Variants in CNTN5 observed in about 807,000 individuals in gnomAD.
The protein encoded by CNTN5 is contactin 5, also known as contactin-5.
A neutral mutation model predicts 129.1 loss-of-function variants in CNTN5; 77 were observed. That is an observed-to-expected ratio of 0.60 (90% CI 0.50 to 0.72). The LOEUF (loss-of-function observed/expected upper bound fraction) is 0.72. CNTN5 is among the 30% of genes least tolerant of loss of function. The pLI, the probability that CNTN5 is intolerant of heterozygous loss-of-function variation, is 0.00. For missense variants in CNTN5, 1,478 were observed against 1,328.8 expected, an observed-to-expected ratio of 1.11 and a Z score of -1.75; for synonymous variants, 509 against 465.6, an observed-to-expected ratio of 1.09 and a Z score of -1.20.
chr11:99,756,091 C>A (rs1459610315), intron 3 of CNTN5, among the ~76,000 whole-genome samples: 1 of 152,018 alleles, frequency 6.6e-6, no homozygotes, highest in African/African-American at 2.4e-5. Flanking sequence ...TTTGACAGAT[C>A]ATTATTTTTT....
intron 3 of CNTN5, among the ~76,000 whole-genome samples, chr11:99,664,393 T>G (rs1220991260): frequency 6.6e-6 from 1 of 152,046 alleles, no homozygotes; most frequent in Admixed American, 6.6e-5. Flanking sequence ...TGATTTTCTT[T>G]CCCCACCAGT....
chr11:99,032,597 C>T (rs1863452915), intron 1 of CNTN5, among the ~76,000 whole-genome samples: 1 of 152,140 alleles, frequency 6.6e-6, no homozygotes, highest in African/African-American at 2.4e-5. Context: ...GTCCTTCACC[C>T]ACTTTTTGAT....
Position 99,239,791 on chromosome 11 carries a change from GC to G in CNTN5, c.-209-85553del, listed in dbSNP as rs1388212168. On this transcript the variant is annotated intron_variant, in intron 1 of 24. Coordinates refer to ENST00000524871, the MANE Select transcript of CNTN5 (RefSeq NM_014361.4). ...TCTACTAAAAATACAAAAAAATTTA[GC>G]CGGGCGTGGTGGCGGGCGCCTGTAG... Among the ~76,000 whole-genome samples the G allele has an allele frequency of 2.0e-5, 3 of 152,238 alleles. No individual in the cohort carries two copies. The East Asian group carries it at 5.8e-4, about 29-fold the overall frequency.
rs574261695 is a variant in CNTN5, at chr11:99,099,785, C to T, written c.-210+78515C>T. On this transcript the variant is annotated intron_variant, in intron 1 of 24. Transcript: ENST00000524871. The stretch of plus-strand genomic sequence containing the variant: ...TGCTGTGATGATAAATGACACAATA[C>T]GTATAAATCACTTCGAAAAAACTGA... 3.9e-5 allele frequency among the ~76,000 whole-genome samples: 6 copies of T among 152,168 alleles called. No individual in the cohort carries two copies. The South Asian group carries it at 6.2e-4, about 16-fold the overall frequency.
At position 99,815,301 on chromosome 11, in the gene CNTN5, A is replaced by G. The variant is rs1261137401; in HGVS notation, c.56-4243A>G. The stretch of plus-strand genomic sequence containing the variant: ...CGTTAGATAAAGTCCTATCAATGAA[A>G]CAACATTTCCCACTTATTTATGCTA... On this transcript the variant is annotated intron_variant, in intron 3 of 24. Transcript: ENST00000524871. 2.6e-5 allele frequency among the ~76,000 whole-genome samples: 4 copies of G among 152,292 alleles called. No individual in the cohort carries two copies. The East Asian group carries it at 7.7e-4, about 29-fold the overall frequency.
chr11:99,986,897 G>A (rs569172611), intron 8 of CNTN5, among the ~76,000 whole-genome samples: 1 of 152,168 alleles, frequency 6.6e-6, no homozygotes, highest in Non-Finnish European at 1.5e-5. Flanking sequence ...GAAAAAGAGA[G>A]ATGTAATAGG....
chr11:99,264,354 T>C (rs1381126497), intron 1 of CNTN5, among the ~76,000 whole-genome samples: 1 of 152,036 alleles, frequency 6.6e-6, no homozygotes, highest in Non-Finnish European at 1.5e-5. Context: ...TTTGTTGAAA[T>C]TAATTAAATG....
chr11:99,843,178 C>T (rs1022790180), intron 4 of CNTN5, among the ~76,000 whole-genome samples: 24 of 152,234 alleles, frequency 1.6e-4, no homozygotes, highest in African/African-American at 5.1e-4. Context: ...GAGCCAAGAT[C>T]GTGCCACTGC....
chr11:99,350,509 A>C (rs995778809), intron 2 of CNTN5, among the ~76,000 whole-genome samples: 1 of 152,176 alleles, frequency 6.6e-6, no homozygotes, highest in Non-Finnish European at 1.5e-5. Context: ...GTGTACGAGA[A>C]TAACCAAAGA....
intron 1 of CNTN5, among the ~76,000 whole-genome samples, chr11:99,195,572 G>A (rs1858860159): frequency 6.6e-6 from 1 of 151,610 alleles, no homozygotes; most frequent in African/African-American, 2.4e-5. Context: ...ATCTAGTAAG[G>A]GTTGAAATTC....
At chr11:99,205,761 C>A (rs1859448286) in intron 1 of CNTN5, among the ~76,000 whole-genome samples, 1 of 151,882 alleles carries the variant, frequency 6.6e-6, no homozygotes, top group Non-Finnish European at 1.5e-5. Context: ...ATATCTATAT[C>A]AAAAAATTAT....
intron 6 of CNTN5, among the ~76,000 whole-genome samples, chr11:99,905,065 G>C (rs1949462007): frequency 6.6e-6 from 1 of 152,076 alleles, no homozygotes; most frequent in Non-Finnish European, 1.5e-5. Context: ...CAGATAGATT[G>C]CAAAAATATC....
At chr11:100,191,012 C>T in intron 13 of CNTN5, 114 bp from the exon 14 acceptor site, 1 of 601,790 alleles carries the variant, frequency 1.7e-6, no homozygotes, top group Non-Finnish European at 2.7e-6. Flanking sequence ...TCACAGTGAT[C>T]CTTTATCTTA....
intron 1 of CNTN5, among the ~76,000 whole-genome samples, chr11:99,154,762 T>C (rs1860251601): frequency 6.6e-6 from 1 of 152,094 alleles, no homozygotes; most frequent in African/African-American, 2.4e-5. Flanking sequence ...CAAGTGGGCA[T>C]GGCCAAGGTG....
At chr11:100,196,979 C>T (rs879883898) in intron 15 of CNTN5, among the ~76,000 whole-genome samples, 5 of 151,916 alleles carry the variant, frequency 3.3e-5, no homozygotes, top group Non-Finnish European at 7.4e-5. Flanking sequence ...GTAGAAATTG[C>T]AGTATGGGCT....
chr11:100,334,300 G>T (rs1951978337), intron 21 of CNTN5, among the ~76,000 whole-genome samples: 1 of 152,072 alleles, frequency 6.6e-6, no homozygotes, highest in Non-Finnish European at 1.5e-5. Flanking sequence ...GCGTGGATGT[G>T]GTGAAAAAGT....
At chr11:99,458,129 A>T (rs1944560693) in intron 2 of CNTN5, among the ~76,000 whole-genome samples, 1 of 151,990 alleles carries the variant, frequency 6.6e-6, no homozygotes, top group Non-Finnish European at 1.5e-5. Flanking sequence ...TAATGAGATA[A>T]ATGAGGCTTA....
At chr11:99,919,299 G>C (rs1275749565) in intron 7 of CNTN5, among the ~76,000 whole-genome samples, 1 of 152,032 alleles carries the variant, frequency 6.6e-6, no homozygotes, top group African/African-American at 2.4e-5. Flanking sequence ...TTAAGAAATT[G>C]TTTCAGCAGT....
At chr11:99,668,236 C>G (rs1952880019) in intron 3 of CNTN5, among the ~76,000 whole-genome samples, 1 of 152,076 alleles carries the variant, frequency 6.6e-6, no homozygotes, top group Non-Finnish European at 1.5e-5. Context: ...GTGTCCACAC[C>G]CCAGAGTACC....
Sources: gnomAD v4.1 joint callset for allele counts (sites outside exome capture counted in the v4.1 genomes callset) on GRCh38, gnomAD v4.1.1 for gene constraint, MANE v1.5 for transcripts, NCBI Gene and HGNC (gene_info 2026-07-23, HGNC 2026-07-21) for gene names.